Variants in IFIT3 observed in about 807,000 individuals in gnomAD.
IFIT3 encodes the protein interferon-induced protein with tetratricopeptide repeats 3.
Under a neutral mutation model 2.4 loss-of-function variants are expected in IFIT3, and 2 were observed. That is an observed-to-expected ratio of 0.82 (90% confidence interval 0.34 to 2.60). The LOEUF is 2.60. IFIT3 is among the 30% of genes most tolerant of loss of function. The pLI is 0.11. For missense variants in IFIT3, 481 were observed against 562.4 expected (o/e 0.86, Z 1.46); for synonymous variants, 203 against 212.1 (o/e 0.96, Z 0.37).
chr10:89,339,970 G>C lies in IFIT3; in HGVS notation c.1315G>C (p.Glu439Gln), dbSNP rs1208246256. Residue 439 changes from glutamate to glutamine, a missense_variant, in exon 2 of 2, where the codon GAG becomes CAG. Glu to Gln is a conservative substitution (Grantham distance 29). Coordinates refer to ENST00000371818, the MANE Select transcript of IFIT3 (RefSeq NM_001549.6). ...GDLLQAAKCY[E>Q]KELGRLLRDA... The stretch of plus-strand genomic sequence containing the variant: ...TCTGCTGCAAGCAGCCAAATGTTAT[G>C]AGAAGGAACTGGGCCGCCTGCTAAG... 1 of 1,614,226 alleles carries C rather than the reference G, an allele frequency of 6.2e-7. No individual in the cohort carries two copies. Among genetic ancestry groups the C allele is most frequent in the Non-Finnish European group, 8.5e-7 (1 of 1,180,032 alleles).
chr10:89,331,720 G>A (rs1270936161), intron 1 of IFIT3, among the ~76,000 whole-genome samples: 6 of 151,776 alleles, frequency 4.0e-5, no homozygotes, highest in South Asian at 2.1e-4. Flanking sequence ...TCAGCCAGGC[G>A]TGGTGGCACG....
At chr10:89,329,439 A>G (rs1000239689) in intron 1 of IFIT3, among the ~76,000 whole-genome samples, 19 of 152,122 alleles carry the variant, frequency 1.2e-4, no homozygotes, top group African/African-American at 4.3e-4. Context: ...AGGTGTGTCT[A>G]TAGCCACTGA....
In IFIT3 at chr10:89,328,656, C is replaced by A. The variant is rs1048193671; in HGVS notation, c.5+578C>A. Reference sequence around the variant, plus strand: ...TGGGAAGTGGAAGAAACAATTCTTACAAATGGGCATTTTTGTCATTTCTTA... The same window carrying A: ...TGGGAAGTGGAAGAAACAATTCTTAAAAATGGGCATTTTTGTCATTTCTTA... On this transcript the variant is annotated intron_variant, in intron 1 of 1. Transcript: ENST00000371818. Among the ~76,000 whole-genome samples, 9 of 152,270 alleles carry A rather than the reference C, an allele frequency of 5.9e-5. No homozygotes were observed. In the South Asian group the frequency reaches 1.5e-3, roughly 25 times the overall value.
intron 1 of IFIT3, among the ~76,000 whole-genome samples, chr10:89,338,010 C>T (rs945909661): frequency 6.6e-6 from 1 of 152,182 alleles, no homozygotes; most frequent in African/African-American, 2.4e-5. Flanking sequence ...CTTTGCCCCA[C>T]TGTAGGCTAA....
chr10:89,336,576 T>C (rs955255058), intron 1 of IFIT3, among the ~76,000 whole-genome samples: 1 of 152,240 alleles, frequency 6.6e-6, no homozygotes, highest in African/African-American at 2.4e-5. Context: ...GCAAATAAAG[T>C]CAATGGCTCC....
At chr10:89,330,830 A>G (rs1386058491) in intron 1 of IFIT3, among the ~76,000 whole-genome samples, 1 of 152,206 alleles carries the variant, frequency 6.6e-6, no homozygotes, top group East Asian at 1.9e-4. Flanking sequence ...AAATACCTCT[A>G]TGACAGCACT....
chr10:89,332,771 T>C, intron 1 of IFIT3: 1 of 884,320 alleles, frequency 1.1e-6, no homozygotes, highest in South Asian at 1.5e-5. Context: ...CATGCATTTT[T>C]ATTTCTGTAG....
chr10:89,331,235 C>T (rs571537620), intron 1 of IFIT3, among the ~76,000 whole-genome samples: 22 of 152,232 alleles, frequency 1.4e-4, no homozygotes, highest in African/African-American at 4.8e-4. Context: ...TGCAGTGGCC[C>T]GATCATGGCT....
chr10:89,328,241 T>C (rs1238205662), intron 1 of IFIT3, among the ~76,000 whole-genome samples, 163 bp downstream of exon 1: 1 of 152,236 alleles, frequency 6.6e-6, no homozygotes, highest in Non-Finnish European at 1.5e-5. Flanking sequence ...TTTTTCCCTG[T>C]GGCTTTTTTT....
At chr10:89,330,438 T>G (rs1291109231) in intron 1 of IFIT3, among the ~76,000 whole-genome samples, 1 of 152,190 alleles carries the variant, frequency 6.6e-6, no homozygotes, top group African/African-American at 2.4e-5. Context: ...CTTAATGCTT[T>G]CAACTATGCT....
At chr10:89,332,654 G>T (rs755368568) in intron 1 of IFIT3, 4 of 1,611,542 alleles carry the variant, frequency 2.5e-6, no homozygotes, top group Non-Finnish European at 3.4e-6. Flanking sequence ...TCTCTGATAG[G>T]AAACAGAATT....
intron 1 of IFIT3, among the ~76,000 whole-genome samples, chr10:89,333,511 G>A (rs1045940842): frequency 6.6e-6 from 1 of 152,114 alleles, no homozygotes; most frequent in Non-Finnish European, 1.5e-5. Context: ...AGAGGCAGGA[G>A]GGGGGAGGGG....
rs142563563 is a variant in IFIT3, at chr10:89,329,879, G to C, written c.5+1801G>C. The stretch of plus-strand genomic sequence containing the variant: ...AGTCCGAAAAGAAAGTCAGGGAAGG[G>C]AGATAGGGGTGGGGCCATTTTATAA... On this transcript the variant is annotated intron_variant, in intron 1 of 1. Coordinates refer to ENST00000371818, the MANE Select transcript of IFIT3 (RefSeq NM_001549.6). Among the ~76,000 whole-genome samples the C allele has an allele frequency of 3.3e-4, 50 of 152,222 alleles. No homozygotes were observed. In the East Asian group the frequency reaches 8.9e-3, roughly 27 times the overall value.
rs1417249863 is a variant in IFIT3 at position 89,338,771 on chromosome 10, G to A, written c.116G>A (p.Cys39Tyr). The A allele has an allele frequency of 1.9e-6, 3 of 1,613,946 alleles. No individual in the cohort carries two copies. The highest frequency in any genetic ancestry group is 2.5e-6 in the Non-Finnish European group (3 of 1,179,954). The change falls in exon 2 of 2, where the codon TGT (cysteine) becomes TAT (tyrosine). Residue 39 changes from cysteine (C) to tyrosine (Y), a missense_variant. Cys to Tyr is a radical substitution (Grantham distance 194). Coordinates refer to ENST00000371818, the MANE Select transcript of IFIT3 (RefSeq NM_001549.6). ...TCAAGGGATCTAGAAGATAGAGTGTGTAACCAGATTGAATTTTTAAACACT... is the reference window on the plus strand; with the variant it reads ...TCAAGGGATCTAGAAGATAGAGTGTATAACCAGATTGAATTTTTAAACACT... ...SVSRDLEDRV[C>Y]NQIEFLNTEF...
chr10:89,336,790 A>C (rs1045083124), intron 1 of IFIT3, among the ~76,000 whole-genome samples: 1 of 152,212 alleles, frequency 6.6e-6, no homozygotes, highest in African/African-American at 2.4e-5. Context: ...AAATCCAAAA[A>C]TAAGGACACT....
At chr10:89,336,371 T>A (rs571695908) in intron 1 of IFIT3, among the ~76,000 whole-genome samples, 2 of 152,312 alleles carry the variant, frequency 1.3e-5, no homozygotes, top group East Asian at 1.9e-4. Flanking sequence ...TAGCCGGATG[T>A]AGATGGCAAC....
At chr10:89,331,502 G>C (rs988770156) in intron 1 of IFIT3, among the ~76,000 whole-genome samples, 4 of 152,114 alleles carry the variant, frequency 2.6e-5, no homozygotes, top group Non-Finnish European at 4.4e-5. Flanking sequence ...CTAACATACA[G>C]ATATACAATT....
Position 89,339,711 on chromosome 10 carries a change from C to T in IFIT3, c.1056C>T (p.Val352=). Residue 352 remains valine (V), a synonymous_variant, in exon 2 of 2, where the codon GTC becomes GTT. Coordinates refer to ENST00000371818, the MANE Select transcript of IFIT3 (RefSeq NM_001549.6). ...ATCAGACACCATTCAATAAGGAAGT[C>T]CCTGATGCTGAAAAGCAACAATCCC... ...ECYQTPFNKE[V]PDAEKQQSHQ... 1 of 1,614,138 alleles carries T rather than the reference C, an allele frequency of 6.2e-7. No homozygotes were observed. Among genetic ancestry groups the T allele is most frequent in the Non-Finnish European group, 8.5e-7 (1 of 1,180,010 alleles).
chr10:89,338,546 G>A, intron 1 of IFIT3, 115 bp from the exon 2 acceptor site: 1 of 969,188 alleles, frequency 1.0e-6, no homozygotes, highest in East Asian at 2.4e-5. Context: ...AAATAATGTT[G>A]GACCAAATAT....
Sources: gnomAD v4.1 joint callset for allele counts (sites outside exome capture counted in the v4.1 genomes callset) on GRCh38, gnomAD v4.1.1 for gene constraint, MANE v1.5 for transcripts, NCBI Gene and HGNC (gene_info 2026-07-23, HGNC 2026-07-21) for gene names.